The following SLC35F3 variants were observed in gnomAD, a reference collection of about 807,000 sequenced individuals.
SLC35F3 encodes putative thiamine transporter SLC35F3.
SLC35F3 carries 25 observed loss-of-function variants against 49.9 expected under a neutral mutation model. The observed-to-expected ratio is 0.50, with a 90% confidence interval of 0.37 to 0.70. The LOEUF (loss-of-function observed/expected upper bound fraction) is 0.70. SLC35F3 is among the 30% of genes least tolerant of loss of function. The pLI is 0.00. For missense variants in SLC35F3, 525 were observed against 639.8 expected (o/e 0.82, Z 1.94); for synonymous variants, 275 against 265.4 (o/e 1.04, Z -0.35).
chr1:234,313,951 C>T (rs594657), intron 4 of SLC35F3, among the ~76,000 whole-genome samples: 65,484 of 152,088 alleles, frequency 0.43, 15,098 homozygotes, highest in East Asian at 0.74. Context: ...CCCAAAGGCA[C>T]AGGGCACGTT....
chr1:234,130,498 G>A (rs963833235), intron 2 of SLC35F3, among the ~76,000 whole-genome samples: 21 of 144,350 alleles, frequency 1.5e-4, no homozygotes, highest in African/African-American at 5.2e-4. Context: ...AATTAGCCAG[G>A]CGTGGTGGCG....
At chr1:233,917,032 C>T (rs560155725) in intron 2 of SLC35F3, among the ~76,000 whole-genome samples, 10 of 152,270 alleles carry the variant, frequency 6.6e-5, no homozygotes, top group Admixed American at 5.2e-4. Flanking sequence ...TGTATTAGCT[C>T]CTCAGGGAAG....
chr1:234,172,268 C>G (rs1268809185), intron 2 of SLC35F3, among the ~76,000 whole-genome samples: 5 of 152,180 alleles, frequency 3.3e-5, no homozygotes, highest in Non-Finnish European at 5.9e-5. Context: ...AAGTCTTGCT[C>G]TTTCACCCAG....
intron 3 of SLC35F3, among the ~76,000 whole-genome samples, chr1:234,281,081 T>TCC (rs111906874): frequency 2.0e-5 from 3 of 148,382 alleles, no homozygotes; most frequent in African/African-American, 7.5e-5. Context: ...CTAAATTGTG[T>TCC]CCCCCCCCCA....
intron 2 of SLC35F3, among the ~76,000 whole-genome samples, chr1:234,175,309 TAAG>T (rs994431237): frequency 6.6e-5 from 10 of 152,360 alleles, no homozygotes; most frequent in African/African-American, 2.2e-4. Flanking sequence ...GCATTGTCCA[TAAG>T]AAGTAGGACA....
intron 2 of SLC35F3, among the ~76,000 whole-genome samples, chr1:234,152,310 G>A (rs184723236): frequency 3.3e-5 from 5 of 151,698 alleles, no homozygotes; most frequent in East Asian, 1.9e-4. Flanking sequence ...AGGAATACAC[G>A]TGCCATGGTG....
At chr1:234,173,981 G>T (rs1418552775) in intron 2 of SLC35F3, among the ~76,000 whole-genome samples, 1 of 152,214 alleles carries the variant, frequency 6.6e-6, no homozygotes, top group East Asian at 1.9e-4. Flanking sequence ...GTGTACAGCA[G>T]AAAAGGGGCT....
At chr1:233,989,456 A>C (rs1453903990) in intron 2 of SLC35F3, among the ~76,000 whole-genome samples, 1 of 152,194 alleles carries the variant, frequency 6.6e-6, no homozygotes, top group Non-Finnish European at 1.5e-5. Flanking sequence ...CTCTGTTACA[A>C]CAGAGGCTGT....
intron 2 of SLC35F3, among the ~76,000 whole-genome samples, chr1:234,171,230 A>C (rs981267472): frequency 3.9e-5 from 6 of 152,202 alleles, no homozygotes; most frequent in African/African-American, 7.2e-5. Flanking sequence ...GGGATTCTGC[A>C]TACTGGGACC....
At chr1:234,082,714 A>T (rs772970140) in intron 2 of SLC35F3, among the ~76,000 whole-genome samples, 67 of 152,234 alleles carry the variant, frequency 4.4e-4, no homozygotes, top group Non-Finnish European at 7.2e-4. Flanking sequence ...GGGAGGCCTC[A>T]CAATCATGGC....
chr1:234,087,764 A>G (rs926029998), intron 2 of SLC35F3, among the ~76,000 whole-genome samples: 4 of 152,026 alleles, frequency 2.6e-5, no homozygotes, highest in African/African-American at 7.2e-5. Context: ...CCTCATCCAC[A>G]TCTCCCAGCT....
chr1:233,976,768 G>A (rs1472870864), intron 2 of SLC35F3, among the ~76,000 whole-genome samples: 1 of 152,016 alleles, frequency 6.6e-6, no homozygotes, highest in African/African-American at 2.4e-5. Context: ...CTGCCACCAC[G>A]CCCAGCTAAT....
At position 234,031,476 on chromosome 1, in the gene SLC35F3, G is replaced by C. The variant is rs148542455; in HGVS notation, c.283+125718G>C. Among the ~76,000 whole-genome samples the C allele has an allele frequency of 6.7e-3, 1,019 of 152,310 alleles. 14 individuals carry two copies. The highest frequency in any genetic ancestry group is 0.054 in the South Asian group (262 of 4,832). On this transcript the variant is annotated intron_variant, in intron 2 of 7. Transcript: ENST00000366618. The stretch of plus-strand genomic sequence containing the variant: ...GCTACTAGCTGCCATAATGAGCCTT[G>C]TATTGCTCCAGCATTAACATTCCTG...
chr1:234,165,774 T>C (rs903531577), intron 2 of SLC35F3, among the ~76,000 whole-genome samples: 2 of 152,170 alleles, frequency 1.3e-5, no homozygotes, highest in Non-Finnish European at 2.9e-5. Context: ...AAATTTGTGG[T>C]GGTGAAGTCT....
chr1:233,944,534 C>G (rs1571990134), intron 2 of SLC35F3, among the ~76,000 whole-genome samples: 1 of 152,128 alleles, frequency 6.6e-6, no homozygotes, highest in Non-Finnish European at 1.5e-5. Context: ...CAGCTCATAT[C>G]CATCGAAGGT....
chr1:234,293,926 A>T (rs1668550125), intron 3 of SLC35F3, among the ~76,000 whole-genome samples: 2 of 152,228 alleles, frequency 1.3e-5, no homozygotes, highest in South Asian at 4.1e-4. Flanking sequence ...GTCTTACTCC[A>T]GGTTTGAGAC....
chr1:234,281,692 G>A (rs1668328435), intron 3 of SLC35F3, among the ~76,000 whole-genome samples: 2 of 152,206 alleles, frequency 1.3e-5, no homozygotes, highest in African/African-American at 2.4e-5. Flanking sequence ...GAACTGGAAA[G>A]GGGTCCATAA....
At chr1:234,310,244 C>T (rs1657312343) in intron 4 of SLC35F3, among the ~76,000 whole-genome samples, 2 of 152,274 alleles carry the variant, frequency 1.3e-5, no homozygotes, top group Non-Finnish European at 2.9e-5. Flanking sequence ...CCTTCAGCCA[C>T]AAAGCTAAGA....
chr1:233,974,834 A>G (rs1176694117), intron 2 of SLC35F3, among the ~76,000 whole-genome samples: 1 of 152,228 alleles, frequency 6.6e-6, no homozygotes, highest in African/African-American at 2.4e-5. Flanking sequence ...TGCACAAGAG[A>G]TGTAGACCTT....
Sources: gnomAD v4.1 joint callset for allele counts (sites outside exome capture counted in the v4.1 genomes callset) on GRCh38, gnomAD v4.1.1 for gene constraint, MANE v1.5 for transcripts, NCBI Gene and HGNC (gene_info 2026-07-23, HGNC 2026-07-21) for gene names.